PRRC2C: variants seen among roughly 807,000 people sequenced by gnomAD.
The protein encoded by PRRC2C is protein PRRC2C.
A neutral mutation model predicts 317.2 loss-of-function variants in PRRC2C; 72 were observed. That is an observed-to-expected ratio of 0.23 (90% CI 0.19 to 0.28). PRRC2C has a LOEUF of 0.28. PRRC2C is among the 10% of genes least tolerant of loss of function. The pLI is 1.00. For missense variants in PRRC2C, 3,074 were observed against 3,459.7 expected (o/e 0.89, Z 2.80); for synonymous variants, 1,296 against 1,205.9 (o/e 1.07, Z -1.55).
chr1:171,581,692 T>C lies in PRRC2C; in HGVS notation c.7409+1728T>C, dbSNP rs558461530. Reference sequence around the variant, plus strand: ...TGGTTTCTGCAAAGACAGGATAGTTTATAGCAGTATATTCATGTTTTCTTA... The same window carrying C: ...TGGTTTCTGCAAAGACAGGATAGTTCATAGCAGTATATTCATGTTTTCTTA... On this transcript the variant is annotated intron_variant, in intron 28 of 34. Coordinates refer to ENST00000647382, the MANE Select transcript of PRRC2C (RefSeq NM_001387844.1). Among the ~76,000 whole-genome samples, 4 of 152,246 alleles carry C rather than the reference T, an allele frequency of 2.6e-5. No homozygotes were observed. The East Asian group carries it at 7.7e-4, about 29-fold the overall frequency.
At chr1:171,561,761 G>A (rs889232427) in intron 20 of PRRC2C, among the ~76,000 whole-genome samples, 5 of 152,134 alleles carry the variant, frequency 3.3e-5, no homozygotes, top group African/African-American at 1.2e-4. Context: ...GACTTAAGTA[G>A]TATAAGTATT....
Position 171,561,067 on chromosome 1 carries a change from G to A in PRRC2C, c.6081G>A (p.Lys2027=). Residue 2027 remains lysine, a synonymous_variant, in exon 20 of 35, where the codon AAG becomes AAA. Transcript: ENST00000647382. ...CACCTTCAGTCAGTGCATGGAATAAGCCCTTAACATCGTTTGGATCAGCTC... is the reference window on the plus strand; with the variant it reads ...CACCTTCAGTCAGTGCATGGAATAAACCCTTAACATCGTTTGGATCAGCTC... ...PQPPSVSAWN[K]PLTSFGSAPS... 1 of 1,608,320 alleles carries A rather than the reference G, an allele frequency of 6.2e-7. No individual in the cohort carries two copies. The highest frequency in any genetic ancestry group is 8.5e-7 in the Non-Finnish European group (1 of 1,174,720).
At chr1:171,527,680 C>T (rs1004805746) in intron 10 of PRRC2C, 111 bp from the exon 11 acceptor site, 104 of 821,864 alleles carry the variant, frequency 1.3e-4, no homozygotes, top group Middle Eastern at 3.7e-4. Context: ...TGCTTGGCCC[C>T]GGGAGACAGA....
chr1:171,563,912 G>T (rs971894842), intron 20 of PRRC2C, among the ~76,000 whole-genome samples: 1 of 152,080 alleles, frequency 6.6e-6, no homozygotes, highest in Non-Finnish European at 1.5e-5. Flanking sequence ...TTTCTTGCAG[G>T]CATTCTACAA....
chr1:171,508,877 TTTTTTC>T (rs1209861139), intron 1 of PRRC2C, among the ~76,000 whole-genome samples: 3 of 152,258 alleles, frequency 2.0e-5, no homozygotes, highest in Admixed American at 6.5e-5. Context: ...ATTTAATTTT[TTTTTTC>T]TTTTTCTTTT....
chr1:171,512,907 T>A, intron 2 of PRRC2C, 88 bp from the exon 3 acceptor site: 1 of 1,214,566 alleles, frequency 8.2e-7, no homozygotes, highest in East Asian at 2.5e-5. Flanking sequence ...GGGATTGCAT[T>A]AATTCCTATT....
chr1:171,486,403 C>T (rs568997011), intron 1 of PRRC2C, among the ~76,000 whole-genome samples: 1 of 152,134 alleles, frequency 6.6e-6, no homozygotes, highest in South Asian at 2.1e-4. Flanking sequence ...CTCGGTAGCT[C>T]CCTGTCTTTG....
chr1:171,558,260 G>A, intron 19 of PRRC2C, 117 bp downstream of exon 19: 1 of 1,310,408 alleles, frequency 7.6e-7, no homozygotes. Context: ...TTTATTGTAG[G>A]AAAAAGTAAT....
intron 20 of PRRC2C, among the ~76,000 whole-genome samples, chr1:171,564,514 T>C (rs1683271836): frequency 6.6e-6 from 1 of 152,250 alleles, no homozygotes; most frequent in South Asian, 2.1e-4. Flanking sequence ...CAACATTGAC[T>C]AAAGCAAAGA....
chr1:171,538,812 A>G (rs1420437226), intron 15 of PRRC2C, among the ~76,000 whole-genome samples: 1 of 152,118 alleles, frequency 6.6e-6, no homozygotes, highest in Admixed American at 6.5e-5. Flanking sequence ...CCCAGGCTCA[A>G]GTGATCCTCT....
At chr1:171,589,220 A>C in intron 33 of PRRC2C, 149 bp from the exon 34 acceptor site, 1 of 381,292 alleles carries the variant, frequency 2.6e-6, no homozygotes, top group South Asian at 2.2e-5. Context: ...TGTCCTTGTT[A>C]ATGGAATGGC....
intron 24 of PRRC2C, 137 bp from the exon 25 acceptor site, chr1:171,574,790 A>G: frequency 1.2e-6 from 1 of 838,014 alleles, no homozygotes; most frequent in Non-Finnish European, 1.9e-6. Flanking sequence ...AGGGTCTTAG[A>G]TTTTCTTTAA....
At chr1:171,488,471 G>A (rs931912072) in intron 1 of PRRC2C, among the ~76,000 whole-genome samples, 4 of 152,166 alleles carry the variant, frequency 2.6e-5, no homozygotes, top group Non-Finnish European at 5.9e-5. Context: ...GTGGATAAAA[G>A]CGTTCTATAG....
chr1:171,543,322 CAAAAA>C (rs1214982713), intron 16 of PRRC2C, among the ~76,000 whole-genome samples: 2 of 63,026 alleles, frequency 3.2e-5, no homozygotes, highest in Non-Finnish European at 3.3e-5. Context: ...GACTCCGTCT[CAAAAA>C]AAAAAAAAAA....
rs1441329465 is a variant in PRRC2C, at chr1:171,512,949, G to A, written c.113-46G>A. On this transcript the variant is annotated intron_variant, in intron 2 of 34. Transcript: ENST00000647382. Reference sequence around the variant, plus strand: ...CTATATTGTTTGAGGAATAAAATGGGTAATAAAATAGATGTTCTAAGAAAG... The same window carrying A: ...CTATATTGTTTGAGGAATAAAATGGATAATAAAATAGATGTTCTAAGAAAG... 10 of 1,503,042 alleles carry A rather than the reference G, an allele frequency of 6.7e-6. No individual in the cohort carries two copies. The Admixed American group carries it at 1.9e-4, about 28-fold the overall frequency. The allele number at this position is 1,503,042 out of a possible 1,614,324, so 93.1% of individuals were successfully genotyped here.
chr1:171,551,254 A>C (rs1273163732), intron 18 of PRRC2C, among the ~76,000 whole-genome samples: 1 of 152,118 alleles, frequency 6.6e-6, no homozygotes, highest in Non-Finnish European at 1.5e-5. Context: ...CTGGCTGCGT[A>C]TATGTCTTCT....
At position 171,535,428 on chromosome 1, in the gene PRRC2C, A is replaced by G; in HGVS notation, c.1874A>G (p.Glu625Gly). 6.2e-7 allele frequency: 1 copy of G among 1,611,602 alleles called. No individual in the cohort carries two copies. Among genetic ancestry groups the G allele is most frequent in the South Asian group, 1.1e-5 (1 of 90,612 alleles). ...KQESENSCNK[E>G]EEPVFTRQDS... ...TACCTTTCACCTTTTCTTTGAGCAG[A>G]GGAGGAACCCGTTTTCACTAGACAA... Residue 625 changes from glutamate (E) to glycine (G), a missense_variant and splice_region_variant, in exon 13 of 35, where the codon GAG becomes GGG. Transcript: ENST00000647382.
At chr1:171,507,129 C>A (rs1465694142) in intron 1 of PRRC2C, among the ~76,000 whole-genome samples, 1 of 152,124 alleles carries the variant, frequency 6.6e-6, no homozygotes, top group Non-Finnish European at 1.5e-5. Flanking sequence ...TGTGGTGACA[C>A]ATGCCTGTAA....
intron 18 of PRRC2C, among the ~76,000 whole-genome samples, chr1:171,553,721 A>G (rs1680771307): frequency 6.6e-6 from 1 of 152,008 alleles, no homozygotes; most frequent in African/African-American, 2.4e-5. Context: ...TCATTCTGTT[A>G]TTTATCCAGT....
Sources: allele counts gnomAD v4.1 joint callset (sites outside exome capture counted in the v4.1 genomes callset), GRCh38; gene constraint gnomAD v4.1.1; transcripts MANE v1.5; gene names NCBI Gene and HGNC (gene_info 2026-07-23, HGNC 2026-07-21).